The following ATF6 variants were observed in gnomAD, a reference collection of about 807,000 sequenced individuals.
ATF6 encodes the protein cyclic AMP-dependent transcription factor ATF-6 alpha.
ATF6 carries 53 observed loss-of-function variants against 83.6 expected under a neutral mutation model. The ratio of observed to expected loss-of-function variants is 0.63; its 90% CI spans 0.51 to 0.80. The LOEUF is 0.80. Among genes scored for constraint, ATF6 ranks in the 30% least tolerant of loss-of-function variants. The pLI is 0.00. For missense variants in ATF6, 744 were observed against 797.9 expected (o/e 0.93, Z 0.81); for synonymous variants, 288 against 285.8 (o/e 1.01, Z -0.08).
At chr1:161,888,918 G>A (rs1687488829) in intron 14 of ATF6, among the ~76,000 whole-genome samples, 1 of 152,100 alleles carries the variant, frequency 6.6e-6, no homozygotes, top group South Asian at 2.1e-4. Flanking sequence ...TATACCTTGA[G>A]ATCCAGCTTG....
intron 1 of ATF6, among the ~76,000 whole-genome samples, chr1:161,776,727 G>T (rs1285104133): frequency 6.6e-6 from 1 of 152,198 alleles, no homozygotes; most frequent in Non-Finnish European, 1.5e-5. Context: ...TTTTGGATAT[G>T]TTAGGTTTGA....
At chr1:161,851,248 A>G (rs1028459609) in intron 10 of ATF6, among the ~76,000 whole-genome samples, 23 of 143,912 alleles carry the variant, frequency 1.6e-4, no homozygotes, top group Admixed American at 2.7e-4. Context: ...ACACACACAC[A>G]CACACACACA....
rs151244125 is a variant in ATF6 at position 161,846,530 on chromosome 1, T to C, written c.1269T>C (p.Ala423=). 4.3e-6 allele frequency: 7 copies of C among 1,612,106 alleles called. 1 individual carries two copies. The African/African-American group carries it at 8.0e-5, about 18-fold the overall frequency. ...GGAGGCACCTTCTAGGATTTTCTGC[T>C]AAAGAGGCACAGGACACATCAGATG... The part of the protein sequence containing the change: ...NQRRHLLGFS[A]KEAQDTSDGI... The change falls in exon 10 of 16, where the codon GCT becomes GCC. Residue 423 remains alanine (A), a synonymous_variant. Transcript: ENST00000367942.
chr1:161,787,969 ACT>A (rs1684782118), intron 4 of ATF6, among the ~76,000 whole-genome samples: 2 of 152,160 alleles, frequency 1.3e-5, no homozygotes, highest in Admixed American at 1.3e-4. Flanking sequence ...GTTGCATCTA[ACT>A]CTGTACAACA....
At chr1:161,894,230 T>G (rs1214726256) in intron 14 of ATF6, among the ~76,000 whole-genome samples, 1 of 142,880 alleles carries the variant, frequency 7.0e-6, no homozygotes, top group Non-Finnish European at 1.5e-5. Context: ...AGCAGGTGTT[T>G]TTTTTTTTTT....
At chr1:161,873,259 G>A (rs1687152339) in intron 14 of ATF6, among the ~76,000 whole-genome samples, 1 of 151,476 alleles carries the variant, frequency 6.6e-6, no homozygotes. Context: ...AAATGTTAAA[G>A]TTTATAGAAC....
At chr1:161,928,277 C>A (rs1484685340) in intron 15 of ATF6, among the ~76,000 whole-genome samples, 1 of 152,162 alleles carries the variant, frequency 6.6e-6, no homozygotes, top group Non-Finnish European at 1.5e-5. Context: ...GACAGCAGAA[C>A]TAAATACGAG....
At position 161,899,313 on chromosome 1, in the gene ATF6, T is replaced by C. The variant is rs553386233; in HGVS notation, c.1720-12983T>C. ...ATTCCAAACATTTGTACTGAATCTTTACACTCTACAAGCCCATTTGAAATC... is the reference window on the plus strand; with the variant it reads ...ATTCCAAACATTTGTACTGAATCTTCACACTCTACAAGCCCATTTGAAATC... On this transcript the variant is annotated intron_variant, in intron 14 of 15. Transcript: ENST00000367942. 3.3e-5 allele frequency among the ~76,000 whole-genome samples: 5 copies of C among 152,340 alleles called. No homozygotes were observed. The South Asian group carries it at 1.0e-3, about 32-fold the overall frequency.
intron 15 of ATF6, among the ~76,000 whole-genome samples, chr1:161,943,608 G>A (rs951440698): frequency 2.0e-5 from 3 of 151,884 alleles, no homozygotes; most frequent in Non-Finnish European, 4.4e-5. Context: ...AGATACTCAG[G>A]GCACGCTCCT....
At chr1:161,945,879 A>G (rs912003094) in intron 15 of ATF6, among the ~76,000 whole-genome samples, 1 of 152,130 alleles carries the variant, frequency 6.6e-6, no homozygotes, top group Non-Finnish European at 1.5e-5. Context: ...CCCTGATACC[A>G]CCCTGGGACA....
intron 12 of ATF6, among the ~76,000 whole-genome samples, chr1:161,855,575 A>C (rs1686738202): frequency 2.6e-5 from 4 of 152,156 alleles, no homozygotes; most frequent in African/African-American, 9.7e-5. Flanking sequence ...AGCTAGAGAG[A>C]AATAAAGAGG....
Position 161,789,339 on chromosome 1 carries a change from C to T in ATF6, c.355-2069C>T, listed in dbSNP as rs114526582. On this transcript the variant is annotated intron_variant, in intron 4 of 15. Coordinates refer to ENST00000367942, the MANE Select transcript of ATF6 (RefSeq NM_007348.4). ...CAGTACCCTCCCCAGCCTCTGGTAA[C>T]CATCCTTCTACCCTATGTTCATGAT... Among the ~76,000 whole-genome samples the T allele has an allele frequency of 2.5e-3, 364 of 145,406 alleles. 3 individuals are homozygous for T. Among genetic ancestry groups the T allele is most frequent in the African/African-American group, 8.2e-3 (316 of 38,308 alleles).
chr1:161,873,723 T>C (rs2101850740), intron 14 of ATF6, among the ~76,000 whole-genome samples: 1 of 151,722 alleles, frequency 6.6e-6, no homozygotes, highest in Admixed American at 6.6e-5. Flanking sequence ...GCCTGCAAGA[T>C]GGATGATTGG....
At chr1:161,923,710 C>T (rs375467327) in intron 15 of ATF6, among the ~76,000 whole-genome samples, 10 of 152,172 alleles carry the variant, frequency 6.6e-5, no homozygotes, top group Admixed American at 2.0e-4. Flanking sequence ...TTATTAGAAC[C>T]TTCACAAGAC....
At chr1:161,848,741 C>T (rs1686541146) in intron 10 of ATF6, among the ~76,000 whole-genome samples, 1 of 152,052 alleles carries the variant, frequency 6.6e-6, no homozygotes. Context: ...CTAGCACTGT[C>T]CTTTACTTTA....
intron 14 of ATF6, among the ~76,000 whole-genome samples, chr1:161,876,684 A>T (rs1687222599): frequency 6.6e-6 from 1 of 152,066 alleles, no homozygotes; most frequent in South Asian, 2.1e-4. Flanking sequence ...CATATGTCTG[A>T]AACAAGAGAA....
chr1:161,779,894 C>T (rs544899214), intron 2 of ATF6, among the ~76,000 whole-genome samples: 88 of 152,096 alleles, frequency 5.8e-4, no homozygotes, highest in South Asian at 3.3e-3. Context: ...CATGCTATCA[C>T]GCCTGGCTAA....
chr1:161,948,860 A>T (rs1166675532), intron 15 of ATF6, among the ~76,000 whole-genome samples: 1 of 152,252 alleles, frequency 6.6e-6, no homozygotes, highest in Non-Finnish European at 1.5e-5. Context: ...AAACACTTGA[A>T]TGTACTCAAA....
intron 9 of ATF6, among the ~76,000 whole-genome samples, chr1:161,845,746 A>T (rs1023733880): frequency 1.3e-5 from 2 of 149,548 alleles, no homozygotes; most frequent in African/African-American, 5.0e-5. Context: ...ACTGCACTCC[A>T]GCCTGGGTGA....
Sources: allele counts gnomAD v4.1 joint callset (sites outside exome capture counted in the v4.1 genomes callset), GRCh38; gene constraint gnomAD v4.1.1; transcripts MANE v1.5; gene names NCBI Gene and HGNC (gene_info 2026-07-23, HGNC 2026-07-21).